SLC25A31: variants seen among roughly 807,000 people sequenced by gnomAD.
The protein encoded by SLC25A31 is ADP/ATP translocase 4.
SLC25A31 carries 40 observed loss-of-function variants against 36.2 expected under a neutral mutation model. That is an observed-to-expected ratio of 1.10 (90% CI 0.86 to 1.44). The LOEUF (loss-of-function observed/expected upper bound fraction) is 1.44. Among genes scored for constraint, SLC25A31 ranks in the 40% most tolerant of loss-of-function variants. The pLI, the probability that SLC25A31 is intolerant of heterozygous loss-of-function variation, is 0.00. For synonymous variants in SLC25A31, 143 were observed against 149.7 expected (o/e 0.96, Z 0.32); for missense variants, 350 against 397.1 (o/e 0.88, Z 1.01).
At chr4:127,765,850 A>C (rs1420561899) in intron 3 of SLC25A31, among the ~76,000 whole-genome samples, 1 of 152,188 alleles carries the variant, frequency 6.6e-6, no homozygotes, top group African/African-American at 2.4e-5. Context: ...TGGAAGTTGA[A>C]AGTTTATTTT....
intron 2 of SLC25A31, 87 bp from the exon 3 acceptor site, chr4:127,764,156 A>T: frequency 8.7e-7 from 1 of 1,143,604 alleles, no homozygotes; most frequent in Non-Finnish European, 1.3e-6. Context: ...CTGGTGTTTT[A>T]ACATTTATAA....
chr4:127,748,841 A>G (rs1456105658), intron 2 of SLC25A31, among the ~76,000 whole-genome samples: 2 of 152,210 alleles, frequency 1.3e-5, no homozygotes, highest in African/African-American at 4.8e-5. Flanking sequence ...ATATCCAGAC[A>G]CCAATACAAG....
At chr4:127,764,192 A>G (rs1578670331) in intron 2 of SLC25A31, 51 bp from the exon 3 acceptor site, 1 of 1,458,266 alleles carries the variant, frequency 6.9e-7, no homozygotes, top group Non-Finnish European at 9.5e-7. Context: ...AGGTATTTTA[A>G]ACAGTTAGAT....
chr4:127,734,608 G>A (rs1731590030), intron 1 of SLC25A31, among the ~76,000 whole-genome samples: 1 of 140,116 alleles, frequency 7.1e-6, no homozygotes, highest in South Asian at 2.4e-4. Flanking sequence ...ATTTTTACAA[G>A]CCTATCCAAA....
At chr4:127,764,084 T>A (rs951906240) in intron 2 of SLC25A31, among the ~76,000 whole-genome samples, 159 bp from the exon 3 acceptor site, 1 of 152,154 alleles carries the variant, frequency 6.6e-6, no homozygotes, top group Admixed American at 6.5e-5. Context: ...AAAAATAAAA[T>A]ATTTTGGATA....
chr4:127,744,277 A>T (rs1049487743), intron 1 of SLC25A31, among the ~76,000 whole-genome samples: 2 of 152,192 alleles, frequency 1.3e-5, no homozygotes, highest in Non-Finnish European at 2.9e-5. Context: ...CAAATCAGTA[A>T]GTGGATTTAT....
intron 1 of SLC25A31, among the ~76,000 whole-genome samples, chr4:127,731,176 TC>T (rs983485843): frequency 2.0e-5 from 3 of 152,156 alleles, no homozygotes; most frequent in Admixed American, 2.0e-4. Flanking sequence ...CCCACTATGC[TC>T]CAGCATGGGC....
chr4:127,772,230 C>T (rs1732377676), intron 5 of SLC25A31, among the ~76,000 whole-genome samples: 1 of 152,156 alleles, frequency 6.6e-6, no homozygotes, highest in Non-Finnish European at 1.5e-5. Context: ...AGAAGATATT[C>T]AACAACTGAT....
Position 127,730,656 on chromosome 4 carries a change from G to A in SLC25A31, c.111G>A (p.Ala37=), listed in dbSNP as rs755398918. 7.4e-6 allele frequency: 12 copies of A among 1,613,790 alleles called. No individual in the cohort carries two copies. Among genetic ancestry groups the A allele is most frequent in the South Asian group, 3.3e-5 (3 of 91,090 alleles). Residue 37 remains alanine (A), a synonymous_variant, in exon 1 of 6, where the codon GCG becomes GCA. Transcript: ENST00000281154. ...TCGCGGCAGCTGTGTCCAAGACAGC[G>A]GTGGCGCCCATCGAGCGGGTGAAGC... ...GGVAAAVSKT[A]VAPIERVKLL...
At chr4:127,772,850 T>C (rs1332513305) in intron 5 of SLC25A31, among the ~76,000 whole-genome samples, 2 of 151,102 alleles carry the variant, frequency 1.3e-5, no homozygotes, top group East Asian at 3.9e-4. Context: ...GGTGTGATCA[T>C]GGCTCACTGC....
intron 5 of SLC25A31, among the ~76,000 whole-genome samples, chr4:127,770,325 A>G (rs1418767776): frequency 1.3e-5 from 2 of 152,228 alleles, no homozygotes; most frequent in African/African-American, 4.8e-5. Flanking sequence ...CCCAATATTT[A>G]GAAAATAAAT....
chr4:127,768,147 TATA>T (rs1372145289), intron 4 of SLC25A31, among the ~76,000 whole-genome samples: 1 of 151,858 alleles, frequency 6.6e-6, no homozygotes, highest in East Asian at 1.9e-4. Flanking sequence ...TATTTATTAG[TATA>T]ATAAATAATT....
intron 1 of SLC25A31, 143 bp downstream of exon 1, chr4:127,730,920 C>T: frequency 1.2e-6 from 1 of 843,056 alleles, no homozygotes; most frequent in Non-Finnish European, 1.8e-6. Context: ...CTTACCCTTC[C>T]AGAATTTAGT....
chr4:127,751,753 G>A (rs1578662911), intron 2 of SLC25A31, among the ~76,000 whole-genome samples: 1 of 152,146 alleles, frequency 6.6e-6, no homozygotes, highest in African/African-American at 2.4e-5. Flanking sequence ...CAAAAAGTGG[G>A]CAAAAGATAT....
intron 2 of SLC25A31, among the ~76,000 whole-genome samples, chr4:127,754,544 A>C (rs1466538864): frequency 1.3e-5 from 2 of 152,048 alleles, no homozygotes; most frequent in Non-Finnish European, 2.9e-5. Context: ...CTTTAAAAAA[A>C]AAAAAACACA....
chr4:127,731,905 A>G (rs1369165678), intron 1 of SLC25A31, among the ~76,000 whole-genome samples: 2 of 152,136 alleles, frequency 1.3e-5, no homozygotes, highest in Non-Finnish European at 2.9e-5. Flanking sequence ...TAAAATAAAG[A>G]TGGGATCAGT....
chr4:127,760,851 A>AAC (rs1732113676), intron 2 of SLC25A31, among the ~76,000 whole-genome samples: 1 of 152,232 alleles, frequency 6.6e-6, no homozygotes, highest in Admixed American at 6.5e-5. Flanking sequence ...CATCCTGGCT[A>AAC]ACATGGTGAA....
At chr4:127,773,223 G>A (rs1732399370) in intron 5 of SLC25A31, among the ~76,000 whole-genome samples, 163 bp from the exon 6 acceptor site, 1 of 152,138 alleles carries the variant, frequency 6.6e-6, no homozygotes, top group Non-Finnish European at 1.5e-5. Context: ...TGCCTGAAAA[G>A]TATGAATGTT....
In SLC25A31 at chr4:127,767,831, C is replaced by T. The variant is rs578121845; in HGVS notation, c.633+611C>T. 2.0e-4 allele frequency among the ~76,000 whole-genome samples: 29 copies of T among 144,990 alleles called. 1 individual carries two copies. In the South Asian group the frequency reaches 5.8e-3, roughly 29 times the overall value. Reference sequence around the variant, plus strand: ...CTAGGAAACTTTTTAAAGTACTTTACATCTTGAATCTCAGAAATCACTGGT... The same window carrying T: ...CTAGGAAACTTTTTAAAGTACTTTATATCTTGAATCTCAGAAATCACTGGT... On this transcript the variant is annotated intron_variant, in intron 4 of 5. Coordinates refer to ENST00000281154, the MANE Select transcript of SLC25A31 (RefSeq NM_031291.4).
Sources: gnomAD v4.1 joint callset for allele counts (sites outside exome capture counted in the v4.1 genomes callset) on GRCh38, gnomAD v4.1.1 for gene constraint, MANE v1.5 for transcripts, NCBI Gene and HGNC (gene_info 2026-07-23, HGNC 2026-07-21) for gene names.